The following ARFGEF3 variants were observed in gnomAD, a reference collection of about 807,000 sequenced individuals.
The protein encoded by ARFGEF3 is brefeldin A-inhibited guanine nucleotide-exchange protein 3.
A neutral mutation model predicts 221.7 loss-of-function variants in ARFGEF3; 96 were observed. The observed-to-expected ratio is 0.43, with a 90% CI of 0.37 to 0.51. The LOEUF (loss-of-function observed/expected upper bound fraction) is 0.51, where lower values mean the gene tolerates loss of function less well. Among genes scored for constraint, ARFGEF3 ranks in the 20% least tolerant of loss-of-function variants. The pLI is 0.00. For synonymous variants in ARFGEF3, 1,145 were observed against 1,126.8 expected (o/e 1.02, Z -0.32); for missense variants, 2,410 against 2,789.9 (o/e 0.86, Z 3.07).
chr6:138,218,849 A>C (rs1777926053), intron 4 of ARFGEF3, among the ~76,000 whole-genome samples: 1 of 152,232 alleles, frequency 6.6e-6, no homozygotes, highest in Non-Finnish European at 1.5e-5. Flanking sequence ...TTGACTTCTT[A>C]AAAACCCAGC....
At chr6:138,245,259 G>A (rs866054708) in intron 7 of ARFGEF3, among the ~76,000 whole-genome samples, 7 of 152,092 alleles carry the variant, frequency 4.6e-5, no homozygotes, top group Admixed American at 2.0e-4. Context: ...CCAAGATTGC[G>A]CCACTGCACT....
intron 5 of ARFGEF3, among the ~76,000 whole-genome samples, chr6:138,234,721 T>C (rs1216350927): frequency 6.6e-6 from 1 of 152,220 alleles, no homozygotes; most frequent in African/African-American, 2.4e-5. Context: ...AGACATTCCT[T>C]CTGCTTTTTT....
chr6:138,321,780 C>CATGTTCACAATAGTCAAAA (rs1232466096), intron 29 of ARFGEF3, among the ~76,000 whole-genome samples: 1 of 152,198 alleles, frequency 6.6e-6, no homozygotes, highest in East Asian at 1.9e-4. Context: ...GCTGTACTCC[C>CATGTTCACAATAGTCAAAA]ATGTTCACAA....
At position 138,231,303 on chromosome 6, in the gene ARFGEF3, T is replaced by C. The variant is rs188487813; in HGVS notation, c.420+1451T>C. On this transcript the variant is annotated intron_variant, in intron 5 of 33. Coordinates refer to ENST00000251691, the MANE Select transcript of ARFGEF3 (RefSeq NM_020340.5). ...TGAAACACTGTGGCCTCTTCCAAAA[T>C]GAGGAAAGGAAAAACAACAACAACA... Among the ~76,000 whole-genome samples, 132 of 151,700 alleles carry C rather than the reference T, an allele frequency of 8.7e-4. 1 individual carries two copies. Among genetic ancestry groups the C allele is most frequent in the Middle Eastern group, 3.4e-3 (1 of 294 alleles).
chr6:138,325,355 T>C (rs993899955), intron 31 of ARFGEF3, among the ~76,000 whole-genome samples: 1 of 152,222 alleles, frequency 6.6e-6, no homozygotes, highest in Non-Finnish European at 1.5e-5. Context: ...TTTGGGGCTT[T>C]TCCCAGCTGT....
chr6:138,184,086 A>T (rs1028267068), intron 2 of ARFGEF3, among the ~76,000 whole-genome samples: 1 of 152,230 alleles, frequency 6.6e-6, no homozygotes, highest in African/African-American at 2.4e-5. Context: ...GTACATTTTT[A>T]AAAATTATCC....
intron 5 of ARFGEF3, among the ~76,000 whole-genome samples, chr6:138,238,154 C>T (rs995588708): frequency 6.6e-6 from 1 of 152,170 alleles, no homozygotes; most frequent in African/African-American, 2.4e-5. Flanking sequence ...TTAATAAATT[C>T]TGTTCTATTT....
chr6:138,324,473 T>TA (rs1457855070), intron 31 of ARFGEF3, among the ~76,000 whole-genome samples: 2 of 152,244 alleles, frequency 1.3e-5, no homozygotes, highest in Non-Finnish European at 2.9e-5. Context: ...CTGTTATTGT[T>TA]ACTGCTAGAC....
At chr6:138,222,247 T>C (rs1777996050) in intron 4 of ARFGEF3, among the ~76,000 whole-genome samples, 1 of 151,618 alleles carries the variant, frequency 6.6e-6, no homozygotes. Context: ...TACCGATAGC[T>C]GATGAGCTTA....
At chr6:138,234,113 T>G in intron 5 of ARFGEF3, among the ~76,000 whole-genome samples, 1 of 152,220 alleles carries the variant, frequency 6.6e-6, no homozygotes, top group Middle Eastern at 3.2e-3. Flanking sequence ...CTTAAACCTC[T>G]TACTTGCATG....
rs1446188933 is a variant in ARFGEF3, at chr6:138,344,249, C to T, written c.*7763C>T. ...AGCCATAATGATTTGAGTCAGTATA[C>T]CATTTTACCTATAAAATGCAAAATT... On this transcript the variant is annotated 3_prime_UTR_variant, in exon 34 of 34. Transcript: ENST00000251691. 3 of 152,102 alleles carry T rather than the reference C, an allele frequency of 2.0e-5. No homozygotes were observed. The highest frequency in any genetic ancestry group is 4.4e-5 in the Non-Finnish European group (3 of 68,014). 9.4% of individuals were successfully genotyped at this position (152,102 alleles called of 1,614,324 possible).
chr6:138,299,338 A>C (rs1232084951), intron 22 of ARFGEF3, among the ~76,000 whole-genome samples: 1 of 151,850 alleles, frequency 6.6e-6, no homozygotes. Context: ...CTAAGGATAC[A>C]TAATCAGTGA....
intron 12 of ARFGEF3, among the ~76,000 whole-genome samples, chr6:138,272,067 A>C (rs1562375246): frequency 6.6e-6 from 1 of 152,224 alleles, no homozygotes; most frequent in Non-Finnish European, 1.5e-5. Context: ...GATACCTGGC[A>C]TCTCACTGGC....
At chr6:138,287,375 T>C (rs1375263973) in intron 17 of ARFGEF3, among the ~76,000 whole-genome samples, 191 bp downstream of exon 17, 2 of 152,110 alleles carry the variant, frequency 1.3e-5, no homozygotes, top group Non-Finnish European at 2.9e-5. Flanking sequence ...CTACAGAAGA[T>C]CTCTCTGGAG....
intron 2 of ARFGEF3, among the ~76,000 whole-genome samples, chr6:138,198,286 T>C (rs185090875): frequency 2.0e-5 from 3 of 152,296 alleles, no homozygotes; most frequent in Admixed American, 2.0e-4. Flanking sequence ...AGAAAAGGGA[T>C]TTTGTGTTCA....
rs766847764 is a variant in ARFGEF3, at chr6:138,280,149, A to T, written c.2446A>T (p.Ile816Phe). ...GSPEDNSLPL[I>F]TMLTDIDGLE... ...CCCAGAAGATAACAGCCTTCCCCTC[A>T]TCACAATGCTGACCGGTCAGTGGTT... Residue 816 changes from isoleucine to phenylalanine, a missense_variant, in exon 14 of 34, where the codon ATC (isoleucine) becomes TTC (phenylalanine). Transcript: ENST00000251691. 6.2e-7 allele frequency: 1 copy of T among 1,613,736 alleles called. No homozygotes were observed. The highest frequency in any genetic ancestry group is 1.7e-5 in the Admixed American group (1 of 60,004).
Position 138,230,691 on chromosome 6 carries a change from C to T in ARFGEF3, c.420+839C>T, listed in dbSNP as rs533144859. 3.3e-5 allele frequency among the ~76,000 whole-genome samples: 5 copies of T among 152,106 alleles called. No individual in the cohort carries two copies. In the East Asian group the frequency reaches 9.6e-4, roughly 29 times the overall value. ...AAATTAAGAGAAAATTATTTTTGAG[C>T]GTGTAGAAAATTTTTATGTGACTGT... On this transcript the variant is annotated intron_variant, in intron 5 of 33. Coordinates refer to ENST00000251691, the MANE Select transcript of ARFGEF3 (RefSeq NM_020340.5).
At chr6:138,299,791 A>G (rs1218364081) in intron 22 of ARFGEF3, among the ~76,000 whole-genome samples, 2 of 152,226 alleles carry the variant, frequency 1.3e-5, no homozygotes, top group East Asian at 1.9e-4. Flanking sequence ...AATTAAAACA[A>G]ACTTCCTGAG....
At chr6:138,231,090 G>A (rs951799707) in intron 5 of ARFGEF3, among the ~76,000 whole-genome samples, 7 of 152,114 alleles carry the variant, frequency 4.6e-5, no homozygotes, top group Non-Finnish European at 7.4e-5. Context: ...GGAGAGGGCT[G>A]CCAGGGATTG....
Sources: gnomAD v4.1 joint callset for allele counts (sites outside exome capture counted in the v4.1 genomes callset) on GRCh38, gnomAD v4.1.1 for gene constraint, MANE v1.5 for transcripts, NCBI Gene and HGNC (gene_info 2026-07-23, HGNC 2026-07-21) for gene names.